DTL: variants seen among roughly 807,000 people sequenced by gnomAD.
The protein encoded by DTL is denticleless E3 ubiquitin protein ligase adapter, also known as denticleless protein homolog.
Under a neutral mutation model 87.0 loss-of-function variants are expected in DTL, and 46 were observed. The ratio of observed to expected loss-of-function variants is 0.53; its 90% CI spans 0.42 to 0.68. The LOEUF (loss-of-function observed/expected upper bound fraction) is 0.68. Ranked by LOEUF, DTL falls within the 30% of genes least tolerant of loss-of-function variation. DTL has a pLI of 0.00. For synonymous variants in DTL, 308 were observed against 311.2 expected, an observed-to-expected ratio of 0.99 and a Z score of 0.11; for missense variants, 737 against 869.4, an observed-to-expected ratio of 0.85 and a Z score of 1.91.
chr1:212,089,594 C>T (rs953262036), intron 13 of DTL, among the ~76,000 whole-genome samples: 17 of 152,180 alleles, frequency 1.1e-4, no homozygotes, highest in African/African-American at 4.1e-4. Context: ...TTACCATTAA[C>T]TTTCATACTG....
chr1:212,035,977 C>G, intron 1 of DTL, 35 bp downstream of exon 1: 1 of 1,607,560 alleles, frequency 6.2e-7, no homozygotes, highest in Non-Finnish European at 8.5e-7. Flanking sequence ...TCGGAGCTGG[C>G]GGAATTCATT....
At chr1:212,065,844 T>C (rs1654477546) in intron 7 of DTL, among the ~76,000 whole-genome samples, 1 of 152,120 alleles carries the variant, frequency 6.6e-6, no homozygotes, top group African/African-American at 2.4e-5. Flanking sequence ...TAGCTGGGAC[T>C]ACAGGTGCCC....
At chr1:212,050,246 G>C (rs3010017) in intron 5 of DTL, among the ~76,000 whole-genome samples, 6,597 of 152,100 alleles carry the variant, frequency 0.043, 193 homozygotes, top group African/African-American at 0.074. Flanking sequence ...GTTTTGTGGG[G>C]GTTTTTGTAG....
intron 1 of DTL, among the ~76,000 whole-genome samples, chr1:212,038,117 G>A (rs75735092): frequency 0.034 from 5,161 of 152,158 alleles, 300 homozygotes; most frequent in African/African-American, 0.12. Flanking sequence ...AGACACACCA[G>A]TGAACCTAAC....
Position 212,044,668 on chromosome 1 carries a change from A to G in DTL, c.187A>G (p.Met63Val), listed in dbSNP as rs1667758180. The change falls in exon 3 of 15, where the codon ATG (methionine) becomes GTG (valine). Residue 63 changes from methionine to valine, a missense_variant. Physicochemically the swap from Met to Val is conservative, Grantham distance 21. Coordinates refer to ENST00000366991, the MANE Select transcript of DTL (RefSeq NM_016448.4). ...FGCTFSSAPN[M>V]EHVLAVANEE... Reference sequence around the variant, plus strand: ...CTTTATTTCTGCTTTAGCTCCCAATATGGAACATGTACTAGCAGTTGCCAA... The same window carrying G: ...CTTTATTTCTGCTTTAGCTCCCAATGTGGAACATGTACTAGCAGTTGCCAA... The G allele has an allele frequency of 2.5e-6, 4 of 1,602,022 alleles. No individual in the cohort carries two copies. The highest frequency in any genetic ancestry group is 2.3e-5 in the South Asian group (2 of 88,752).
chr1:212,052,568 C>T (rs1571947357), intron 5 of DTL, among the ~76,000 whole-genome samples: 1 of 147,334 alleles, frequency 6.8e-6, no homozygotes, highest in South Asian at 2.1e-4. Flanking sequence ...ACCTGGGAGG[C>T]GGAGGTTGCA....
intron 5 of DTL, 93 bp from the exon 6 acceptor site, chr1:212,062,791 C>A: frequency 2.1e-6 from 2 of 935,460 alleles, no homozygotes; most frequent in Non-Finnish European, 3.5e-6. Context: ...CAGTACCTAG[C>A]ACATAATAGA....
chr1:212,080,669 T>C lies in DTL; in HGVS notation c.1180T>C (p.Leu394=). 1 of 1,613,696 alleles carries C rather than the reference T, an allele frequency of 6.2e-7. No homozygotes were observed. Among genetic ancestry groups the C allele is most frequent in the South Asian group, 1.1e-5 (1 of 91,072 alleles). ...AAAAATCTGGCGCTTGAATAGAGGCTTAGAGGAGAAACCAGGAGGTGATAA... is the reference window on the plus strand; with the variant it reads ...AAAAATCTGGCGCTTGAATAGAGGCCTAGAGGAGAAACCAGGAGGTGATAA... ...TLKIWRLNRG[L]EEKPGGDKLS... The change falls in exon 13 of 15, where the codon TTA becomes CTA. Residue 394 remains leucine, a synonymous_variant. Transcript: ENST00000366991.
Position 212,103,128 on chromosome 1 carries a change from A to G in DTL, c.*188A>G. 5.1e-6 allele frequency: 2 copies of G among 391,968 alleles called. No individual in the cohort carries two copies. The highest frequency in any genetic ancestry group is 4.1e-5 in the East Asian group (1 of 24,646). The allele number at this position is 391,968 out of a possible 1,614,324, so 24.3% of individuals were successfully genotyped here. ...TAATCTGGTTCTACTACCATAATGTATATGCAGCTTCCCGAGGATGAATGC... is the reference window on the plus strand; with the variant it reads ...TAATCTGGTTCTACTACCATAATGTGTATGCAGCTTCCCGAGGATGAATGC... On this transcript the variant is annotated 3_prime_UTR_variant, in exon 15 of 15. Transcript: ENST00000366991.
intron 13 of DTL, among the ~76,000 whole-genome samples, chr1:212,094,342 A>G (rs750571762): frequency 6.6e-6 from 1 of 152,186 alleles, no homozygotes; most frequent in Admixed American, 6.5e-5. Context: ...TCCCAGCACC[A>G]TGTGTTGAAT....
intron 5 of DTL, chr1:212,051,915 A>G (rs11547408): frequency 1.0e-6 from 1 of 974,630 alleles, no homozygotes; most frequent in Non-Finnish European, 1.6e-6. Context: ...ATAGATTCGC[A>G]TATATGTGGC....
In DTL at chr1:212,073,615, G is replaced by A. The variant is rs190392772; in HGVS notation, c.1035+1402G>A. Among the ~76,000 whole-genome samples, 826 of 152,196 alleles carry A rather than the reference G, an allele frequency of 5.4e-3. 4 individuals are homozygous for A. The highest frequency in any genetic ancestry group is 0.019 in the African/African-American group (779 of 41,534). ...GTGATTTCTATATAACTGGAGTTGT[G>A]AAAATGCAACACTACTTTATTAAAA... On this transcript the variant is annotated intron_variant, in intron 11 of 14. Coordinates refer to ENST00000366991, the MANE Select transcript of DTL (RefSeq NM_016448.4).
chr1:212,069,080 C>T (rs978326720), intron 10 of DTL, among the ~76,000 whole-genome samples: 3 of 152,068 alleles, frequency 2.0e-5, no homozygotes, highest in Non-Finnish European at 4.4e-5. Context: ...TTCATACCCC[C>T]AAAATAGTTT....
In DTL at chr1:212,101,924, C is replaced by T. The variant is rs1008478491; in HGVS notation, c.2094+840C>T. On this transcript the variant is annotated intron_variant, in intron 14 of 14. Transcript: ENST00000366991. ...GAGAATAAAAAGCTTCTGTTGTTTG[C>T]ATGTGAAGGGGAGATGGGTTAAGGA... 3.3e-5 allele frequency among the ~76,000 whole-genome samples: 5 copies of T among 152,160 alleles called. No individual in the cohort carries two copies. The South Asian group carries it at 1.0e-3, about 31-fold the overall frequency.
chr1:212,056,718 G>C (rs1668188477), intron 5 of DTL, among the ~76,000 whole-genome samples: 1 of 152,066 alleles, frequency 6.6e-6, no homozygotes, highest in Non-Finnish European at 1.5e-5. Flanking sequence ...TGAGAGAAAA[G>C]AGAATTCTGA....
chr1:212,047,375 C>T lies in DTL; in HGVS notation c.418C>T (p.Gln140Ter). The stretch of plus-strand genomic sequence containing the variant: ...GCTGATTGGAACATGCAAAGGTCAT[C>T]AATGCAGCCTCAAGTCAGTTGCCTT... ...GELIGTCKGHQCSLKSVAFSK... is the reference protein window; with the variant it reads ...GELIGTCKGH The change falls in exon 5 of 15, where the codon CAA becomes TAA. Residue 140 changes from glutamine (Q) to a stop codon, truncating the protein, a stop_gained. Coordinates refer to ENST00000366991, the MANE Select transcript of DTL (RefSeq NM_016448.4). LOFTEE classifies it high-confidence loss of function. The T allele has an allele frequency of 6.2e-7, 1 of 1,614,194 alleles. No individual in the cohort carries two copies. The highest frequency in any genetic ancestry group is 8.5e-7 in the Non-Finnish European group (1 of 1,180,028).
At chr1:212,077,823 C>T (rs1312746375) in intron 11 of DTL, 1 of 180,622 alleles carries the variant, frequency 5.5e-6, no homozygotes, top group African/African-American at 2.4e-5. Context: ...GGATAACATC[C>T]TTCCAGAAAG....
intron 5 of DTL, chr1:212,051,684 C>T (rs571428710): frequency 1.0e-5 from 11 of 1,051,632 alleles, no homozygotes; most frequent in East Asian, 2.4e-5. Flanking sequence ...TTCCTTCACA[C>T]GTTTCAGGAA....
intron 13 of DTL, among the ~76,000 whole-genome samples, chr1:212,087,451 G>C (rs1655163479): frequency 6.6e-6 from 1 of 152,132 alleles, no homozygotes; most frequent in Non-Finnish European, 1.5e-5. Context: ...TCGGGAGGCT[G>C]AGGCAGGAGA....
Sources: gnomAD v4.1 joint callset for allele counts (sites outside exome capture counted in the v4.1 genomes callset) on GRCh38, gnomAD v4.1.1 for gene constraint, MANE v1.5 for transcripts, NCBI Gene and HGNC (gene_info 2026-07-23, HGNC 2026-07-21) for gene names.